The following ATM variants were observed in gnomAD, a reference collection of about 807,000 sequenced individuals.
ATM encodes ATM serine/threonine kinase.
In ATM, 308 loss-of-function variants were observed where a neutral mutation model predicts 387.0. That is an observed-to-expected ratio of 0.80 (90% CI 0.73 to 0.87). The LOEUF (loss-of-function observed/expected upper bound fraction) is 0.87, where lower values mean the gene tolerates loss of function less well. Ranked by LOEUF, ATM falls within the 40% of genes least tolerant of loss-of-function variation. ATM has a pLI of 0.00. For missense variants in ATM, 3,312 were observed against 3,560.9 expected (o/e 0.93, Z 1.78); for synonymous variants, 1,156 against 1,187.3 (o/e 0.97, Z 0.54).
At chr11:108,359,672 C>G (rs1227403845) in intron 61 of ATM, among the ~76,000 whole-genome samples, 1 of 152,052 alleles carries the variant, frequency 6.6e-6, no homozygotes, top group African/African-American at 2.4e-5. Flanking sequence ...ACATGGAAAC[C>G]AAACAACCTG....
intron 10 of ATM, 106 bp downstream of exon 10, chr11:108,251,178 T>C (rs2135331695): frequency 6.6e-7 from 1 of 1,506,410 alleles, no homozygotes; most frequent in East Asian, 2.3e-5. Flanking sequence ...CAGTTAAAGA[T>C]GTCAAATTCT....
intron 51 of ATM, 57 bp downstream of exon 51, chr11:108,331,614 T>C: frequency 1.4e-6 from 2 of 1,432,352 alleles, no homozygotes; most frequent in South Asian, 1.5e-5. Flanking sequence ...TATTACTATA[T>C]ATTATATAAA....
intron 9 of ATM, 61 bp downstream of exon 9, chr11:108,249,163 A>C (rs1314011816): frequency 6.3e-7 from 1 of 1,591,646 alleles, no homozygotes; most frequent in Admixed American, 1.7e-5. Context: ...TATTTTTCAG[A>C]AAACTTTCAG....
chr11:108,331,369 A>G, intron 50 of ATM, 75 bp from the exon 51 acceptor site: 1 of 1,547,536 alleles, frequency 6.5e-7, no homozygotes, highest in Non-Finnish European at 8.7e-7. Context: ...CTGTCTTAAA[A>G]TAACTTACTT....
chr11:108,320,448 T>C (rs993826961), intron 44 of ATM, among the ~76,000 whole-genome samples: 4 of 152,226 alleles, frequency 2.6e-5, no homozygotes, highest in Non-Finnish European at 4.4e-5. Flanking sequence ...GAGGAAATAA[T>C]TATAATGGGG....
intron 25 of ATM, among the ~76,000 whole-genome samples, chr11:108,284,018 G>A (rs2082360150): frequency 6.6e-6 from 1 of 151,676 alleles, no homozygotes; most frequent in Non-Finnish European, 1.5e-5. Flanking sequence ...TTATGGTGGT[G>A]GTATGTTCTA....
At position 108,319,656 on chromosome 11, in the gene ATM, C is replaced by T. The variant is rs545381342; in HGVS notation, c.6348-298C>T. Reference sequence around the variant, plus strand: ...GAGTAAAGACCTGATCTGACTTGTCCACTTGTGAATTCCCCTTGTGCCTAG... The same window carrying T: ...GAGTAAAGACCTGATCTGACTTGTCTACTTGTGAATTCCCCTTGTGCCTAG... On this transcript the variant is annotated intron_variant, in intron 43 of 62. Coordinates refer to ENST00000675843, the MANE Select transcript of ATM (RefSeq NM_000051.4). Among the ~76,000 whole-genome samples the T allele has an allele frequency of 1.4e-4, 21 of 152,278 alleles. No homozygotes were observed. The South Asian group carries it at 4.3e-3, about 32-fold the overall frequency.
rs1591128462 is a variant in ATM at position 108,325,333 on chromosome 11, C to G, written c.6596C>G (p.Ser2199Cys). The change falls in exon 46 of 63, where the codon TCT becomes TGT. Residue 2199 changes from serine (S) to cysteine (C), a missense_variant. Ser to Cys is a moderately radical substitution (Grantham distance 112, BLOSUM62 -1). This residue lies in a region of ATM where 1,405 missense variants were observed against 1,604.4 expected (regional missense o/e 0.88). Coordinates refer to ENST00000675843, the MANE Select transcript of ATM (RefSeq NM_000051.4). ...AGATCAGTCACACATAGACAACTCTCTGAAGTATATATTAAGTGGCAGAAA... is the reference window on the plus strand; with the variant it reads ...AGATCAGTCACACATAGACAACTCTGTGAAGTATATATTAAGTGGCAGAAA... Reference protein sequence around the residue: ...FSRSVTHRQLSEVYIKWQKHS... With the variant: ...FSRSVTHRQLCEVYIKWQKHS... 1.3e-6 allele frequency: 2 copies of G among 1,597,450 alleles called. No homozygotes were observed. The highest frequency in any genetic ancestry group is 4.5e-5 in the East Asian group (2 of 43,992).
intron 23 of ATM, 68 bp downstream of exon 23, chr11:108,279,676 C>T (rs2082129906): frequency 4.0e-6 from 5 of 1,260,556 alleles, no homozygotes; most frequent in East Asian, 2.3e-5. Flanking sequence ...AATTACTTCA[C>T]CAAGTTTGGT....
Position 108,317,445 on chromosome 11 carries a change from T to C in ATM, c.6271T>C (p.Trp2091Arg), listed in dbSNP as rs2084784301. 6.2e-7 allele frequency: 1 copy of C among 1,612,698 alleles called. No individual in the cohort carries two copies. The highest frequency in any genetic ancestry group is 8.5e-7 in the Non-Finnish European group (1 of 1,179,466). ...AGGATTGGATTATGAAAATAAAGAC[T>C]GGTGTCCTGAACTAGAAGAACTTCA... Reference protein sequence around the residue: ...LKGLDYENKDWCPELEELHYQ... With the variant: ...LKGLDYENKDRCPELEELHYQ... The change falls in exon 43 of 63, where the codon TGG (tryptophan) becomes CGG (arginine). Residue 2091 changes from tryptophan (W) to arginine (R), a missense_variant. Transcript: ENST00000675843.
intron 38 of ATM, among the ~76,000 whole-genome samples, chr11:108,309,664 G>T (rs980517647): frequency 1.3e-5 from 2 of 152,190 alleles, no homozygotes; most frequent in African/African-American, 4.8e-5. Context: ...TAACACAGTG[G>T]AAGATTTTTA....
intron 61 of ATM, among the ~76,000 whole-genome samples, chr11:108,359,106 C>T (rs1217417186): frequency 6.7e-6 from 1 of 148,614 alleles, no homozygotes; most frequent in African/African-American, 2.5e-5. Context: ...GGAAGATCTA[C>T]CAAGCAAATG....
chr11:108,300,019 A>G (rs1440325539), intron 34 of ATM, 134 bp downstream of exon 34: 1 of 851,398 alleles, frequency 1.2e-6, no homozygotes, highest in East Asian at 2.7e-5. Context: ...GAAAATTCTT[A>G]TATTTTTATT....
At chr11:108,275,622 G>A (rs2081901480) in intron 22 of ATM, among the ~76,000 whole-genome samples, 1 of 152,138 alleles carries the variant, frequency 6.6e-6, no homozygotes, top group African/African-American at 2.4e-5. Context: ...TGGTTATGAA[G>A]CTTAGTTTGG....
rs995271490 is a variant in ATM, at chr11:108,271,063, G to C, written c.2839-1G>C. 1.2e-6 allele frequency: 2 copies of C among 1,612,848 alleles called. No individual in the cohort carries two copies. Among genetic ancestry groups the C allele is most frequent in the Admixed American group, 3.3e-5 (2 of 59,992 alleles). Reference sequence around the variant, plus strand: ...GATTTTTTTCCCTCCTACCATCTTAGTATCTAATGCTTTTAAAGGAGCTTC... The same window carrying C: ...GATTTTTTTCCCTCCTACCATCTTACTATCTAATGCTTTTAAAGGAGCTTC... On this transcript the variant is annotated splice_acceptor_variant, in intron 18 of 62. Transcript: ENST00000675843. LOFTEE classifies it high-confidence loss of function.
chr11:108,355,044 T>C (rs1240546731), intron 61 of ATM, 170 bp downstream of exon 61: 3 of 628,772 alleles, frequency 4.8e-6, no homozygotes, highest in African/African-American at 1.8e-5. Flanking sequence ...CATCCAAAAA[T>C]ACTGGTTTAG....
chr11:108,327,571 C>A, intron 47 of ATM, 74 bp from the exon 48 acceptor site: 5 of 1,237,676 alleles, frequency 4.0e-6, no homozygotes, highest in Non-Finnish European at 5.8e-6. Context: ...CTGCTTTTTT[C>A]CCCGTACATG....
chr11:108,368,376 G>C lies in ATM; in HGVS notation c.*2868G>C, dbSNP rs530721400. On this transcript the variant is annotated 3_prime_UTR_variant, in exon 63 of 63. Coordinates refer to ENST00000675843, the MANE Select transcript of ATM (RefSeq NM_000051.4). ...AACTGCCAAGGACAAATGAGGAGTA[G>C]TTAGATTTTGAAAATATTAATCATA... The C allele has an allele frequency of 3.3e-5, 7 of 209,716 alleles. No homozygotes were observed. Among genetic ancestry groups the C allele is most frequent in the Middle Eastern group, 1.5e-3 (1 of 660 alleles). The allele number at this position is 209,716 out of a possible 1,614,324, so 13.0% of individuals were successfully genotyped here. A position where few individuals can be genotyped will look rare whatever the true frequency, so the allele number is the denominator to read the frequency against.
chr11:108,300,000 T>C, intron 34 of ATM, 115 bp downstream of exon 34: 3 of 1,013,104 alleles, frequency 3.0e-6, no homozygotes, highest in Non-Finnish European at 4.4e-6. Context: ...TAAATCTCAG[T>C]GTCTTTATGA....
Sources: gnomAD v4.1 joint callset for allele counts (sites outside exome capture counted in the v4.1 genomes callset) on GRCh38, gnomAD v4.1.1 for gene constraint, gnomAD v4.1.1 regional missense constraint, MANE v1.5 for transcripts, NCBI Gene and HGNC (gene_info 2026-07-23, HGNC 2026-07-21) for gene names.